PITPNC1: variants seen among roughly 807,000 people sequenced by gnomAD.
The protein encoded by PITPNC1 is cytoplasmic phosphatidylinositol transfer protein 1.
In PITPNC1, 18 loss-of-function variants were observed where a neutral mutation model predicts 44.7. The observed-to-expected ratio is 0.40, with a 90% CI of 0.28 to 0.60. PITPNC1 has a LOEUF of 0.60. Ranked by LOEUF, PITPNC1 falls within the 20% of genes least tolerant of loss-of-function variation. PITPNC1 has a pLI of 0.39. For missense variants in PITPNC1, 290 were observed against 418.4 expected, an observed-to-expected ratio of 0.69 and a Z score of 2.68; for synonymous variants, 141 against 149.6, an observed-to-expected ratio of 0.94 and a Z score of 0.42.
At chr17:67,524,201 G>A (rs548738505) in intron 1 of PITPNC1, among the ~76,000 whole-genome samples, 4 of 152,286 alleles carry the variant, frequency 2.6e-5, no homozygotes, top group Admixed American at 6.5e-5. Context: ...CCAAAACTTT[G>A]TGAGGCTGTG....
At chr17:67,461,023 G>A (rs1052644050) in intron 1 of PITPNC1, among the ~76,000 whole-genome samples, 1 of 151,986 alleles carries the variant, frequency 6.6e-6, no homozygotes, top group Non-Finnish European at 1.5e-5. Context: ...TTGTACAGGC[G>A]TGAGCCACTG....
At chr17:67,686,430 C>T (rs530693614) in intron 8 of PITPNC1, among the ~76,000 whole-genome samples, 2 of 151,944 alleles carry the variant, frequency 1.3e-5, no homozygotes, top group South Asian at 4.2e-4. Context: ...ATTTTTAGAT[C>T]AGTGTGGGTG....
At chr17:67,630,153 G>T (rs1309980596) in intron 5 of PITPNC1, among the ~76,000 whole-genome samples, 1 of 152,144 alleles carries the variant, frequency 6.6e-6, no homozygotes, top group Non-Finnish European at 1.5e-5. Context: ...CCAAGTTTGG[G>T]TTAGGACAGT....
intron 1 of PITPNC1, among the ~76,000 whole-genome samples, chr17:67,384,814 G>T (rs921404816): frequency 6.6e-6 from 1 of 152,234 alleles, no homozygotes; most frequent in Non-Finnish European, 1.5e-5. Flanking sequence ...TAAGTTTGCT[G>T]CTGGCGTCAA....
At chr17:67,601,243 C>G (rs1185880947) in intron 5 of PITPNC1, among the ~76,000 whole-genome samples, 2 of 152,100 alleles carry the variant, frequency 1.3e-5, no homozygotes, top group Admixed American at 6.5e-5. Context: ...AAAGACAGAT[C>G]ACGTACAAAG....
At chr17:67,548,055 C>T (rs907781294) in intron 2 of PITPNC1, among the ~76,000 whole-genome samples, 2 of 152,162 alleles carry the variant, frequency 1.3e-5, no homozygotes, top group African/African-American at 4.8e-5. Flanking sequence ...CACCCCACCT[C>T]GCCTCTGTTG....
At chr17:67,439,019 C>G (rs2038975586) in intron 1 of PITPNC1, among the ~76,000 whole-genome samples, 1 of 152,192 alleles carries the variant, frequency 6.6e-6, no homozygotes, top group African/African-American at 2.4e-5. Flanking sequence ...ATGGCAGTAG[C>G]TTATTGGTCA....
chr17:67,668,436 C>T (rs1373290693), intron 6 of PITPNC1, among the ~76,000 whole-genome samples: 4 of 152,034 alleles, frequency 2.6e-5, no homozygotes, highest in Non-Finnish European at 5.9e-5. Context: ...TTAAAGCTGT[C>T]GTGAGGCCAG....
At chr17:67,423,924 A>AT (rs1304968097) in intron 1 of PITPNC1, among the ~76,000 whole-genome samples, 2 of 151,998 alleles carry the variant, frequency 1.3e-5, no homozygotes. Flanking sequence ...TTTCAAGTAG[A>AT]TTTCTTGCAG....
At chr17:67,590,576 T>C (rs1213989223) in intron 5 of PITPNC1, among the ~76,000 whole-genome samples, 1 of 152,154 alleles carries the variant, frequency 6.6e-6, no homozygotes, top group East Asian at 1.9e-4. Context: ...AAAACTAGTA[T>C]GTGAAAAGTT....
At chr17:67,431,166 C>T (rs2038851479) in intron 1 of PITPNC1, among the ~76,000 whole-genome samples, 1 of 149,986 alleles carries the variant, frequency 6.7e-6, no homozygotes, top group Non-Finnish European at 1.5e-5. Flanking sequence ...TCAAGCGATT[C>T]TCATGCTTCA....
At chr17:67,451,725 G>A (rs2039179758) in intron 1 of PITPNC1, among the ~76,000 whole-genome samples, 1 of 150,534 alleles carries the variant, frequency 6.6e-6, no homozygotes. Context: ...TGCAATCTCC[G>A]CCTCCCGGGT....
chr17:67,631,355 C>T lies in PITPNC1; in HGVS notation c.367-788C>T, dbSNP rs141223758. 5.1e-3 allele frequency among the ~76,000 whole-genome samples: 761 copies of T among 149,630 alleles called. 8 individuals are homozygous for T. The highest frequency in any genetic ancestry group is 0.016 in the African/African-American group (677 of 41,034). ...ATATATATAAAAATATATGGCCGGG[C>T]GCGGTGGCTCACGCCTGTAATCCCA... On this transcript the variant is annotated intron_variant, in intron 5 of 8. Coordinates refer to ENST00000581322, the MANE Select transcript of PITPNC1 (RefSeq NM_012417.4).
At chr17:67,596,897 T>C (rs1249588438) in intron 5 of PITPNC1, among the ~76,000 whole-genome samples, 3 of 151,938 alleles carry the variant, frequency 2.0e-5, no homozygotes, top group Admixed American at 1.3e-4. Context: ...TGAACCAATT[T>C]TTTTTTTTCT....
chr17:67,558,578 A>T (rs10512515), intron 4 of PITPNC1, among the ~76,000 whole-genome samples: 31,934 of 152,090 alleles, frequency 0.21, 4,108 homozygotes, highest in South Asian at 0.32. Context: ...GAATTTGAAA[A>T]CTTAAGTTAC....
rs941141666 is a variant in PITPNC1, at chr17:67,676,534, C to T, written c.682+992C>T. On this transcript the variant is annotated intron_variant, in intron 8 of 8. Transcript: ENST00000581322. The surrounding 1 kb of genome is among the most constrained non-coding windows in gnomAD (Gnocchi z 4.0). ...GCTATAAATAGAAAGGAACACGCCCCACCGGTGACTTAGGTTAGATCTGAT... is the reference window on the plus strand; with the variant it reads ...GCTATAAATAGAAAGGAACACGCCCTACCGGTGACTTAGGTTAGATCTGAT... Among the ~76,000 whole-genome samples, 1 of 152,148 alleles carries T rather than the reference C, an allele frequency of 6.6e-6. No individual in the cohort carries two copies. The highest frequency in any genetic ancestry group is 1.5e-5 in the Non-Finnish European group (1 of 68,036).
chr17:67,385,822 T>C lies in PITPNC1; in HGVS notation c.48+7620T>C, dbSNP rs575368350. On this transcript the variant is annotated intron_variant, in intron 1 of 8. Coordinates refer to ENST00000581322, the MANE Select transcript of PITPNC1 (RefSeq NM_012417.4). ...ATTTGTGCAAACCTTTCAACACTAATGGAACAGACAAGGAGCAGATGCTGT... is the reference window on the plus strand; with the variant it reads ...ATTTGTGCAAACCTTTCAACACTAACGGAACAGACAAGGAGCAGATGCTGT... Among the ~76,000 whole-genome samples the C allele has an allele frequency of 3.3e-5, 5 of 152,038 alleles. No homozygotes were observed. The East Asian group carries it at 9.7e-4, about 29-fold the overall frequency.
At chr17:67,390,065 T>C (rs116424845) in intron 1 of PITPNC1, among the ~76,000 whole-genome samples, 1 of 151,308 alleles carries the variant, frequency 6.6e-6, no homozygotes, top group African/African-American at 2.4e-5. Context: ...GAGAGAGCCA[T>C]TGAGAGGCAG....
rs527606291 is a variant in PITPNC1 at position 67,492,191 on chromosome 17, C to T, written c.49-40611C>T. Among the ~76,000 whole-genome samples the T allele has an allele frequency of 1.8e-4, 27 of 152,174 alleles. 1 individual carries two copies. Among genetic ancestry groups the T allele is most frequent in the African/African-American group, 5.1e-4 (21 of 41,524 alleles). ...GTAACTGTAGCAAGTTGAAGGGTGG[C>T]CCCTTAAATATCCCCCAGAGCCTGT... On this transcript the variant is annotated intron_variant, in intron 1 of 8. Coordinates refer to ENST00000581322, the MANE Select transcript of PITPNC1 (RefSeq NM_012417.4).
Sources: allele counts gnomAD v4.1 joint callset (sites outside exome capture counted in the v4.1 genomes callset), GRCh38; gene constraint gnomAD v4.1.1; non-coding constraint Gnocchi (gnomAD v3.1); transcripts MANE v1.5; gene names NCBI Gene and HGNC (gene_info 2026-07-23, HGNC 2026-07-21).